The following ZNF354B variants were observed in gnomAD, a reference collection of about 807,000 sequenced individuals.
ZNF354B encodes zinc finger protein 354B.
A neutral mutation model predicts 12.9 loss-of-function variants in ZNF354B; 10 were observed. The observed-to-expected ratio is 0.77, with a 90% CI of 0.48 to 1.31. ZNF354B has a LOEUF of 1.31. Ranked by LOEUF, ZNF354B falls within the 40% of genes most tolerant of loss-of-function variation. The pLI is 0.00. For synonymous variants in ZNF354B, 260 were observed against 243.7 expected (o/e 1.07, Z -0.62); for missense variants, 614 against 711.7 (o/e 0.86, Z 1.56).
intron 2 of ZNF354B, among the ~76,000 whole-genome samples, chr5:178,863,476 G>T (rs1005946663): frequency 2.0e-5 from 3 of 152,152 alleles, no homozygotes; most frequent in Non-Finnish European, 4.4e-5. Context: ...CCTGTTTTGT[G>T]GTGATGCTGG....
chr5:178,876,359 C>G (rs559079143), intron 4 of ZNF354B, among the ~76,000 whole-genome samples: 13 of 152,318 alleles, frequency 8.5e-5, no homozygotes, highest in African/African-American at 3.1e-4. Context: ...ACTGTGCCCC[C>G]TCCAGAGCCT....
At position 178,883,173 on chromosome 5, in the gene ZNF354B, T is replaced by C. The variant is rs763661376; in HGVS notation, c.721T>C (p.Leu241=). 6.2e-7 allele frequency: 1 copy of C among 1,613,374 alleles called. No homozygotes were observed. ...TCAGAAAAACCACACTGGAGAAAAATTATTTAAATGTAAAGAATGTTTAAA... is the reference window on the plus strand; with the variant it reads ...TCAGAAAAACCACACTGGAGAAAAACTATTTAAATGTAAAGAATGTTTAAA... ...KHQKNHTGEK[L]FKCKECLKAF... is the part of the protein sequence containing the mutation. Residue 241 remains leucine (L), a synonymous_variant, in exon 5 of 5, where the codon TTA becomes CTA. Coordinates refer to ENST00000322434, the MANE Select transcript of ZNF354B (RefSeq NM_058230.3).
intron 2 of ZNF354B, among the ~76,000 whole-genome samples, chr5:178,863,853 CA>C (rs1378545053): frequency 3.3e-5 from 5 of 151,320 alleles, no homozygotes; most frequent in East Asian, 1.9e-4. Context: ...TAGTTTTTAA[CA>C]AAAAAATTTT....
chr5:178,882,133 G>C (rs1049775477), intron 4 of ZNF354B, among the ~76,000 whole-genome samples: 1 of 152,154 alleles, frequency 6.6e-6, no homozygotes, highest in Non-Finnish European at 1.5e-5. Flanking sequence ...TTTTGCTTGA[G>C]TGTGTTTATT....
rs761687979 is a variant in ZNF354B at position 178,882,783 on chromosome 5, T to C, written c.331T>C (p.Leu111=). 7 of 1,593,982 alleles carry C rather than the reference T, an allele frequency of 4.4e-6. No individual in the cohort carries two copies. The South Asian group carries it at 7.0e-5, about 16-fold the overall frequency. Residue 111 remains leucine (L), a synonymous_variant, in exon 5 of 5, where the codon TTG becomes CTG. Transcript: ENST00000322434. ...DSFQEQIRKR[L]KRDEPWNFIS... ...ATTTCAGGAGCAGATAAGGAAAAGATTGAAAAGGGATGAACCCTGGAACTT... is the reference window on the plus strand; with the variant it reads ...ATTTCAGGAGCAGATAAGGAAAAGACTGAAAAGGGATGAACCCTGGAACTT...
At position 178,883,062 on chromosome 5, in the gene ZNF354B, C is replaced by T. The variant is rs149358054; in HGVS notation, c.610C>T (p.Gln204Ter). ...CAAGCAGAATTCAAATTTACTTAAC[C>T]AATCAAAAATCAAAACAGCAGAGAA... ...SFKQNSNLLN[Q>*]SKIKTAEKRY... The change falls in exon 5 of 5, where the codon CAA becomes TAA. Residue 204 changes from glutamine (Q) to a stop codon, truncating the protein, a stop_gained. Transcript: ENST00000322434. LOFTEE classifies it low-confidence loss of function (END_TRUNC). 2.5e-6 allele frequency: 4 copies of T among 1,604,266 alleles called. No homozygotes were observed. In the African/African-American group the frequency reaches 5.4e-5, roughly 22 times the overall value.
chr5:178,874,787 G>A (rs956743406), intron 4 of ZNF354B, among the ~76,000 whole-genome samples: 2 of 152,158 alleles, frequency 1.3e-5, no homozygotes, highest in Admixed American at 1.3e-4. Context: ...GTCTTTTGGA[G>A]GAAAGAAGAC....
chr5:178,881,119 C>G (rs1399698979), intron 4 of ZNF354B, among the ~76,000 whole-genome samples: 3 of 152,116 alleles, frequency 2.0e-5, no homozygotes, highest in Non-Finnish European at 4.4e-5. Flanking sequence ...GCTGGGGTTA[C>G]AGGTGTGAGC....
chr5:178,882,731 G>A lies in ZNF354B; in HGVS notation c.279G>A (p.Met93Ile). 6.4e-7 allele frequency: 1 copy of A among 1,568,074 alleles called. No homozygotes were observed. Among genetic ancestry groups the A allele is most frequent in the South Asian group, 1.2e-5 (1 of 82,476 alleles). ...SSLGCKSTPK[M>I]TKSTQTQDSF... ...CAGGATGTAAGAGCACACCTAAAAT[G>A]ACAAAGTCAACTCAAACTCAGGATT... Residue 93 changes from methionine (M) to isoleucine (I), a missense_variant, in exon 5 of 5, where the codon ATG becomes ATA. By Grantham distance (10) the Met-to-Ile change is conservative (BLOSUM62 1). Coordinates refer to ENST00000322434, the MANE Select transcript of ZNF354B (RefSeq NM_058230.3).
intron 2 of ZNF354B, among the ~76,000 whole-genome samples, chr5:178,866,015 G>A (rs756174505): frequency 1.3e-5 from 2 of 152,198 alleles, no homozygotes; most frequent in Non-Finnish European, 2.9e-5. Context: ...ACTAATGGCC[G>A]TAATTCCTCT....
chr5:178,875,171 A>C (rs564340773), intron 4 of ZNF354B, among the ~76,000 whole-genome samples: 1 of 152,292 alleles, frequency 6.6e-6, no homozygotes, highest in Non-Finnish European at 1.5e-5. Context: ...TGCTGGCTGC[A>C]CATCTCAGCT....
At chr5:178,873,146 T>C (rs1175319155) in intron 4 of ZNF354B, among the ~76,000 whole-genome samples, 1 of 152,208 alleles carries the variant, frequency 6.6e-6, no homozygotes, top group African/African-American at 2.4e-5. Flanking sequence ...TTGAGTTATT[T>C]TGGAGTTTTT....
intron 4 of ZNF354B, among the ~76,000 whole-genome samples, chr5:178,875,431 T>C (rs913713450): frequency 1.3e-5 from 2 of 151,912 alleles, no homozygotes; most frequent in Admixed American, 6.6e-5. Flanking sequence ...CAGGAGGAGC[T>C]GGCAGGGGAA....
At chr5:178,878,875 G>A (rs1298997020) in intron 4 of ZNF354B, among the ~76,000 whole-genome samples, 1 of 151,662 alleles carries the variant, frequency 6.6e-6, no homozygotes, top group Non-Finnish European at 1.5e-5. Context: ...CTAATTTTGT[G>A]TATTTAGTAG....
intron 4 of ZNF354B, among the ~76,000 whole-genome samples, chr5:178,869,274 T>G (rs1409957213): frequency 2.6e-5 from 4 of 152,158 alleles, no homozygotes; most frequent in Non-Finnish European, 5.9e-5. Flanking sequence ...CAGGCAGCTT[T>G]GGTCCCCATA....
intron 1 of ZNF354B, among the ~76,000 whole-genome samples, chr5:178,860,463 C>T (rs113690062): frequency 0.033 from 4,993 of 152,248 alleles, 296 homozygotes; most frequent in African/African-American, 0.11. Context: ...AGTCAGTCCC[C>T]AGGACGGCCA....
At chr5:178,868,743 C>T (rs1325185810) in intron 4 of ZNF354B, among the ~76,000 whole-genome samples, 17 of 152,052 alleles carry the variant, frequency 1.1e-4, no homozygotes, top group African/African-American at 3.1e-4. Context: ...GAGGCCGAGG[C>T]GGGCAGATCA....
chr5:178,876,713 A>T (rs1024836548), intron 4 of ZNF354B, among the ~76,000 whole-genome samples: 4 of 151,850 alleles, frequency 2.6e-5, no homozygotes, highest in African/African-American at 7.3e-5. Flanking sequence ...TATGCTTTCA[A>T]CTCCTAGAAT....
Position 178,884,195 on chromosome 5 carries a change from T to A in ZNF354B, c.1743T>A (p.Asn581Lys). The A allele has an allele frequency of 1.2e-6, 2 of 1,614,008 alleles. No individual in the cohort carries two copies. The highest frequency in any genetic ancestry group is 1.7e-6 in the Non-Finnish European group (2 of 1,179,902). Residue 581 changes from asparagine to lysine, a missense_variant, in exon 5 of 5, where the codon AAT (asparagine) becomes AAA (lysine). Physicochemically the swap from Asn to Lys is moderately conservative, Grantham distance 94. Coordinates refer to ENST00000322434, the MANE Select transcript of ZNF354B (RefSeq NM_058230.3). ...IHTGEKPYECNACGKLFSQRS... is the reference protein window; with the variant it reads ...IHTGEKPYECKACGKLFSQRS... ...CTGGAGAGAAACCCTATGAATGTAA[T>A]GCATGTGGGAAACTCTTTAGCCAGA... is the stretch of plus-strand genomic sequence containing the variant.
Sources: allele counts gnomAD v4.1 joint callset (sites outside exome capture counted in the v4.1 genomes callset), GRCh38; gene constraint gnomAD v4.1.1; transcripts MANE v1.5; gene names NCBI Gene and HGNC (gene_info 2026-07-23, HGNC 2026-07-21).